NXPE1: variants seen among roughly 807,000 people sequenced by gnomAD.
NXPE1 encodes neurexophilin and PC-esterase domain family member 1, also known as NXPE family member 1.
NXPE1 carries 31 observed loss-of-function variants against 33.3 expected under a neutral mutation model. The observed-to-expected ratio is 0.93, with a 90% CI of 0.70 to 1.26. The LOEUF (loss-of-function observed/expected upper bound fraction) is 1.26. Ranked by LOEUF, NXPE1 falls within the 50% of genes most tolerant of loss-of-function variation. The pLI is 0.00. For synonymous variants in NXPE1, 229 were observed against 231.4 expected, an observed-to-expected ratio of 0.99 and a Z score of 0.09; for missense variants, 661 against 655.6, an observed-to-expected ratio of 1.01 and a Z score of -0.09.
At chr11:114,549,078 A>G (rs1199637760) in intron 5 of NXPE1, among the ~76,000 whole-genome samples, 2 of 151,978 alleles carry the variant, frequency 1.3e-5, no homozygotes, top group Non-Finnish European at 2.9e-5. Flanking sequence ...AATACAACCT[A>G]TCAAAATTGA....
At chr11:114,546,449 C>T (rs1948286153) in intron 5 of NXPE1, among the ~76,000 whole-genome samples, 2 of 146,076 alleles carry the variant, frequency 1.4e-5, no homozygotes, top group Admixed American at 1.4e-4. Context: ...TAGTATCATA[C>T]ATATATATAT....
intron 4 of NXPE1, 73 bp downstream of exon 4, chr11:114,551,310 T>C: frequency 7.3e-7 from 1 of 1,367,036 alleles, no homozygotes; most frequent in African/African-American, 1.5e-5. Flanking sequence ...CAACATTTTG[T>C]TCTCCTTTTG....
chr11:114,538,374 G>C (rs1565307548), intron 5 of NXPE1, among the ~76,000 whole-genome samples: 2 of 152,148 alleles, frequency 1.3e-5, no homozygotes, highest in African/African-American at 4.8e-5. Flanking sequence ...CATGGGCAAG[G>C]ACTTCATGTC....
intron 7 of NXPE1, among the ~76,000 whole-genome samples, chr11:114,526,906 T>A (rs1319938986): frequency 1.3e-5 from 2 of 152,232 alleles, no homozygotes; most frequent in African/African-American, 4.8e-5. Flanking sequence ...CCAGCAACAC[T>A]ACCCATGATC....
chr11:114,521,764 C>A, exon 9 of NXPE1: 3 of 495,728 alleles, frequency 6.1e-6, no homozygotes, highest in Middle Eastern at 5.2e-4. Context: ...CAGAACCAGG[C>A]ATGGTATAGT....
At chr11:114,532,027 G>A (rs371943874) in intron 5 of NXPE1, among the ~76,000 whole-genome samples, 4 of 152,240 alleles carry the variant, frequency 2.6e-5, no homozygotes, top group Admixed American at 1.3e-4. Context: ...AGCAATCTTA[G>A]GATCAGATAG....
intron 5 of NXPE1, among the ~76,000 whole-genome samples, chr11:114,533,033 T>A (rs12282557): frequency 0.16 from 23,591 of 152,094 alleles, 1,980 homozygotes; most frequent in South Asian, 0.23. Flanking sequence ...GGCAAGGATG[T>A]TAGCCACAAT....
At chr11:114,556,041 C>T (rs1458769684) in intron 1 of NXPE1, among the ~76,000 whole-genome samples, 1 of 152,078 alleles carries the variant, frequency 6.6e-6, no homozygotes, top group Non-Finnish European at 1.5e-5. Context: ...AATGACAGGG[C>T]CATATGGTAA....
At chr11:114,549,642 A>G (rs546412029) in intron 5 of NXPE1, among the ~76,000 whole-genome samples, 7 of 152,216 alleles carry the variant, frequency 4.6e-5, no homozygotes, top group Non-Finnish European at 8.8e-5. Context: ...TAAGGGAAAC[A>G]CTAAAGGCTT....
chr11:114,556,409 A>T (rs1283904844), intron 1 of NXPE1, among the ~76,000 whole-genome samples: 1 of 152,118 alleles, frequency 6.6e-6, no homozygotes, highest in Admixed American at 6.5e-5. Context: ...GATCAGTCAA[A>T]GATTTGAGAG....
exon 8 of NXPE1, chr11:114,522,992 T>C: frequency 6.2e-7 from 1 of 1,613,804 alleles, no homozygotes; most frequent in Non-Finnish European, 8.5e-7. Flanking sequence ...TAACTGAACC[T>C]GGTTGCAAAA....
intron 1 of NXPE1, among the ~76,000 whole-genome samples, chr11:114,558,059 A>T (rs1184796689): frequency 6.6e-6 from 1 of 151,990 alleles, no homozygotes. Context: ...TTGCTCTCTG[A>T]CGCTTAACAG....
exon 6 of NXPE1, chr11:114,530,904 C>G (rs756595137): frequency 3.7e-6 from 6 of 1,603,444 alleles, no homozygotes. Context: ...TAGAGCAGAC[C>G]AAAGCTGAAA....
chr11:114,519,240 G>T (rs78043708), downstream of NXPE1, among the ~76,000 whole-genome samples: 1 of 152,082 alleles, frequency 6.6e-6, no homozygotes, highest in Non-Finnish European at 1.5e-5. Context: ...TTGGCAAAAA[G>T]GTTCATTCTG....
intron 5 of NXPE1, among the ~76,000 whole-genome samples, chr11:114,535,985 T>C (rs12278273): frequency 0.16 from 23,619 of 152,092 alleles, 2,000 homozygotes; most frequent in South Asian, 0.23. Context: ...ATACATTCTT[T>C]TCAGCACCAC....
exon 6 of NXPE1, chr11:114,530,887 A>G (rs773884891): frequency 6.2e-6 from 10 of 1,611,818 alleles, no homozygotes; most frequent in Admixed American, 3.3e-5. Flanking sequence ...ACAGAGATGG[A>G]TAAGTTTAGA....
rs771023838 is a variant in NXPE1, at chr11:114,523,086, C to A, written c.901G>T (p.Glu301Ter). The stretch of plus-strand genomic sequence containing the variant: ...ACTTGGCATGTCTCTTCTATTTTTT[C>A]TCTCTCTGGTAACAAAGACACTCGT... Residue 301 changes from glutamate to a stop codon, truncating the protein, a stop_gained, in exon 8 of 9, where the codon GAA becomes TAA. Transcript: ENST00000534921. LOFTEE classifies it high-confidence loss of function. The A allele has an allele frequency of 6.2e-6, 10 of 1,610,656 alleles. No homozygotes were observed. Among genetic ancestry groups the A allele is most frequent in the South Asian group, 2.2e-5 (2 of 90,924 alleles).
intron 5 of NXPE1, among the ~76,000 whole-genome samples, chr11:114,544,937 C>T (rs955392473): frequency 1.7e-4 from 26 of 152,046 alleles, no homozygotes; most frequent in Admixed American, 1.2e-3. Flanking sequence ...AGAAGAGACA[C>T]GCATTACAAC....
At chr11:114,536,139 C>T (rs1024516872) in intron 5 of NXPE1, among the ~76,000 whole-genome samples, 13 of 152,170 alleles carry the variant, frequency 8.5e-5, no homozygotes, top group African/African-American at 1.9e-4. Context: ...CACTCAAAAC[C>T]CCTCAACTAC....
Sources: allele counts gnomAD v4.1 joint callset (sites outside exome capture counted in the v4.1 genomes callset), GRCh38; gene constraint gnomAD v4.1.1; transcripts MANE v1.5; gene names NCBI Gene and HGNC (gene_info 2026-07-23, HGNC 2026-07-21).